CDK14: variants seen among roughly 807,000 people sequenced by gnomAD.
The protein encoded by CDK14 is cyclin dependent kinase 14, also known as cyclin-dependent kinase 14.
Under a neutral mutation model 60.7 loss-of-function variants are expected in CDK14, and 34 were observed. That is an observed-to-expected ratio of 0.56 (90% CI 0.43 to 0.75). CDK14 has a LOEUF of 0.75. Among genes scored for constraint, CDK14 ranks in the 30% least tolerant of loss-of-function variants. CDK14 has a pLI of 0.00. For synonymous variants in CDK14, 197 were observed against 203.7 expected, an observed-to-expected ratio of 0.97 and a Z score of 0.28; for missense variants, 482 against 564.1, an observed-to-expected ratio of 0.85 and a Z score of 1.47.
intron 8 of CDK14, among the ~76,000 whole-genome samples, chr7:90,925,082 G>C (rs1318503493): frequency 6.6e-6 from 1 of 152,032 alleles, no homozygotes; most frequent in Non-Finnish European, 1.5e-5. Context: ...AGGAATCTTG[G>C]TGCAAATAAT....
intron 10 of CDK14, among the ~76,000 whole-genome samples, chr7:91,011,320 T>G (rs1390053623): frequency 6.6e-6 from 1 of 152,098 alleles, no homozygotes; most frequent in Non-Finnish European, 1.5e-5. Context: ...GAGGGTTAAG[T>G]GTCCATTCTG....
intron 2 of CDK14, among the ~76,000 whole-genome samples, chr7:90,719,303 C>CA (rs1802361807): frequency 6.6e-6 from 1 of 152,088 alleles, no homozygotes; most frequent in Non-Finnish European, 1.5e-5. Context: ...CTTCAACTAA[C>CA]AGTGTGGAGT....
At chr7:90,860,260 A>G (rs1274717323) in intron 5 of CDK14, among the ~76,000 whole-genome samples, 1 of 151,852 alleles carries the variant, frequency 6.6e-6, no homozygotes, top group Non-Finnish European at 1.5e-5. Flanking sequence ...CAGTTCTTTT[A>G]TTCTTACACA....
At chr7:90,613,672 G>T (rs1320747071) in intron 2 of CDK14, among the ~76,000 whole-genome samples, 2 of 151,854 alleles carry the variant, frequency 1.3e-5, no homozygotes, top group African/African-American at 4.8e-5. Flanking sequence ...GGGTGACAGA[G>T]CGAGACTCTG....
intron 10 of CDK14, among the ~76,000 whole-genome samples, chr7:91,000,432 C>G (rs1319647863): frequency 6.6e-6 from 1 of 152,166 alleles, no homozygotes; most frequent in Non-Finnish European, 1.5e-5. Flanking sequence ...CACACTTATT[C>G]CAGATTGTTT....
At chr7:90,895,197 T>C (rs779935691) in intron 6 of CDK14, among the ~76,000 whole-genome samples, 18 of 152,182 alleles carry the variant, frequency 1.2e-4, no homozygotes, top group Non-Finnish European at 1.3e-4. Flanking sequence ...TTGTAACTTA[T>C]GTTTTATTTA....
chr7:90,914,431 G>C (rs183878973), intron 7 of CDK14, among the ~76,000 whole-genome samples: 1 of 152,182 alleles, frequency 6.6e-6, no homozygotes, highest in Non-Finnish European at 1.5e-5. Flanking sequence ...TGAGTTAGCT[G>C]TGAGTTCCTC....
At chr7:90,956,921 A>G (rs1169954454) in intron 9 of CDK14, among the ~76,000 whole-genome samples, 1 of 151,692 alleles carries the variant, frequency 6.6e-6, no homozygotes. Context: ...AGTTTCATCC[A>G]TGTCCCTACA....
intron 11 of CDK14, 57 bp downstream of exon 11, chr7:91,046,017 A>G (rs1365901462): frequency 5.2e-6 from 6 of 1,162,516 alleles, no homozygotes; most frequent in Non-Finnish European, 6.5e-6. Context: ...AGGTGAGTAT[A>G]TAAATGTTCC....
intron 9 of CDK14, among the ~76,000 whole-genome samples, chr7:90,961,370 A>T (rs1012538253): frequency 6.6e-6 from 1 of 152,086 alleles, no homozygotes; most frequent in African/African-American, 2.4e-5. Context: ...TAAAAAAAAT[A>T]AACCAAGGAA....
At chr7:91,206,983 T>C (rs1291448628) in intron 14 of CDK14, among the ~76,000 whole-genome samples, 182 bp from the exon 15 acceptor site, 3 of 152,136 alleles carry the variant, frequency 2.0e-5, no homozygotes, top group East Asian at 1.9e-4. Flanking sequence ...TTGTTTATCA[T>C]ATTAGAAGGA....
At chr7:90,844,182 T>G (rs1790387977) in intron 5 of CDK14, among the ~76,000 whole-genome samples, 1 of 152,204 alleles carries the variant, frequency 6.6e-6, no homozygotes, top group Non-Finnish European at 1.5e-5. Context: ...CATAGGCACA[T>G]AATACTGGAG....
intron 14 of CDK14, among the ~76,000 whole-genome samples, chr7:91,136,737 G>C (rs1233874383): frequency 6.6e-6 from 1 of 152,056 alleles, no homozygotes. Flanking sequence ...TGTTTTAGTT[G>C]TTTTTTATTC....
chr7:91,091,516 T>TATATATATAA (rs1297777867), intron 12 of CDK14, among the ~76,000 whole-genome samples: 4 of 141,064 alleles, frequency 2.8e-5, no homozygotes, highest in East Asian at 2.0e-4. Flanking sequence ...TATATATATA[T>TATATATATAA]AAATTAGCCA....
chr7:90,940,785 CA>C (rs796301190), intron 8 of CDK14, among the ~76,000 whole-genome samples: 144 of 137,852 alleles, frequency 1.0e-3, no homozygotes, highest in Admixed American at 4.6e-3. Flanking sequence ...GACCTTGTCT[CA>C]AAAAAAAAAA....
intron 11 of CDK14, among the ~76,000 whole-genome samples, chr7:91,051,260 C>A (rs1007331530): frequency 2.6e-5 from 4 of 152,192 alleles, no homozygotes; most frequent in Non-Finnish European, 4.4e-5. Context: ...CACCAGGCCT[C>A]ACCTCCAACA....
At chr7:90,666,048 G>C (rs990581286) in intron 2 of CDK14, among the ~76,000 whole-genome samples, 17 of 152,236 alleles carry the variant, frequency 1.1e-4, no homozygotes, top group African/African-American at 3.6e-4. Context: ...CCTAGTCCCT[G>C]CCTTCCCCTG....
At chr7:91,018,299 A>G (rs968011960) in intron 10 of CDK14, among the ~76,000 whole-genome samples, 1 of 152,204 alleles carries the variant, frequency 6.6e-6, no homozygotes, top group African/African-American at 2.4e-5. Context: ...TATCATGAAC[A>G]TAAGAGAACT....
rs530671621 is a variant in CDK14 at position 90,907,260 on chromosome 7, T to C, written c.702+7907T>C. On this transcript the variant is annotated intron_variant, in intron 7 of 14. Transcript: ENST00000380050. Reference sequence around the variant, plus strand: ...TAAAGACCATTCACTGTGAATTATATTGGGTTTGAGCTATCATAGTTGAAT... The same window carrying C: ...TAAAGACCATTCACTGTGAATTATACTGGGTTTGAGCTATCATAGTTGAAT... Among the ~76,000 whole-genome samples, 16 of 152,136 alleles carry C rather than the reference T, an allele frequency of 1.1e-4. No homozygotes were observed. The East Asian group carries it at 3.1e-3, about 29-fold the overall frequency.
Sources: allele counts gnomAD v4.1 joint callset (sites outside exome capture counted in the v4.1 genomes callset), GRCh38; gene constraint gnomAD v4.1.1; transcripts MANE v1.5; gene names NCBI Gene and HGNC (gene_info 2026-07-23, HGNC 2026-07-21).